The following PLEKHA8 variants were observed in gnomAD, a reference collection of about 807,000 sequenced individuals.
PLEKHA8 encodes the protein pleckstrin homology domain-containing family A member 8.
In PLEKHA8, 36 loss-of-function variants were observed where a neutral mutation model predicts 68.2. That is an observed-to-expected ratio of 0.53 (90% CI 0.40 to 0.70). PLEKHA8 has a LOEUF of 0.70. PLEKHA8 is among the 30% of genes least tolerant of loss of function. The pLI is 0.00. For synonymous variants in PLEKHA8, 211 were observed against 216.1 expected (o/e 0.98, Z 0.20); for missense variants, 505 against 615.4 (o/e 0.82, Z 1.90).
At chr7:30,099,380 A>G (rs1365287287) in intron 13 of PLEKHA8, among the ~76,000 whole-genome samples, 1 of 152,228 alleles carries the variant, frequency 6.6e-6, no homozygotes, top group Non-Finnish European at 1.5e-5. Flanking sequence ...CTCTTGAAAA[A>G]CTATGCTATA....
intron 5 of PLEKHA8, 40 bp from the exon 6 acceptor site, chr7:30,050,394 G>A (rs989777730): frequency 1.3e-6 from 2 of 1,547,450 alleles, no homozygotes; most frequent in Non-Finnish European, 1.7e-6. Flanking sequence ...TCTGTTCAAA[G>A]TTTAACATGT....
At chr7:30,032,478 G>A (rs1381670118) in intron 1 of PLEKHA8, among the ~76,000 whole-genome samples, 4 of 152,122 alleles carry the variant, frequency 2.6e-5, no homozygotes, top group South Asian at 2.1e-4. Context: ...AAAAACAGTT[G>A]CCTTTATTAT....
chr7:30,061,068 ATCTT>A, intron 10 of PLEKHA8, 126 bp downstream of exon 10: 1 of 843,066 alleles, frequency 1.2e-6, no homozygotes, highest in African/African-American at 1.7e-5. Flanking sequence ...GAGAGCAAGC[ATCTT>A]TCTTCTCACA....
At position 30,065,174 on chromosome 7, in the gene PLEKHA8, A is replaced by G. The variant is rs183962519; in HGVS notation, c.1300+2432A>G. Reference sequence around the variant, plus strand: ...GGGCAAATGCTGCTTTGTGACTGCAATAATCACAGCCAGTCTCAGCTTTTT... The same window carrying G: ...GGGCAAATGCTGCTTTGTGACTGCAGTAATCACAGCCAGTCTCAGCTTTTT... On this transcript the variant is annotated intron_variant, in intron 12 of 13. Transcript: ENST00000449726. Among the ~76,000 whole-genome samples, 959 of 152,310 alleles carry G rather than the reference A, an allele frequency of 6.3e-3. 7 individuals are homozygous for G. Among genetic ancestry groups the G allele is most frequent in the South Asian group, 0.025 (121 of 4,822 alleles).
chr7:30,109,586 C>CA (rs1166200858), intron 13 of PLEKHA8, among the ~76,000 whole-genome samples: 17,532 of 41,502 alleles, frequency 0.42, 5,340 homozygotes, highest in East Asian at 0.72. Context: ...AACTCTGTCT[C>CA]AAAAAAAAAA....
chr7:30,062,107 G>A (rs1463620784), intron 11 of PLEKHA8, 80 bp downstream of exon 11: 1 of 1,478,570 alleles, frequency 6.8e-7, no homozygotes, highest in East Asian at 2.4e-5. Flanking sequence ...ACACAAAGGA[G>A]ACTACTTCTG....
chr7:30,071,786 T>G (rs774989037), intron 12 of PLEKHA8: 1 of 152,232 alleles, frequency 6.6e-6, no homozygotes, highest in African/African-American at 2.4e-5. Context: ...AAGAAAGGAT[T>G]CACAGTATCT....
Position 30,079,679 on chromosome 7 carries a change from G to T in PLEKHA8, c.*892G>T. The T allele has an allele frequency of 2.2e-6, 1 of 460,764 alleles. No homozygotes were observed. Among genetic ancestry groups the T allele is most frequent in the Non-Finnish European group, 2.9e-6 (1 of 350,556 alleles). 28.5% of individuals were successfully genotyped at this position (460,764 alleles called of 1,614,324 possible). A position where few individuals can be genotyped will look rare whatever the true frequency, so the allele number is the denominator to read the frequency against. ...CCAGATAATTTCCAAGTGTGACCTGGACTGCCTCTGCATCAAAGTCATATG... is the reference window on the plus strand; with the variant it reads ...CCAGATAATTTCCAAGTGTGACCTGTACTGCCTCTGCATCAAAGTCATATG... On this transcript the variant is annotated 3_prime_UTR_variant, in exon 14 of 14. Transcript: ENST00000449726.
At chr7:30,033,410 G>A (rs146868428) in intron 1 of PLEKHA8, among the ~76,000 whole-genome samples, 19 of 152,242 alleles carry the variant, frequency 1.2e-4, no homozygotes, top group African/African-American at 4.6e-4. Flanking sequence ...GTCTTTTGTG[G>A]CTGGCTGCTT....
At chr7:30,089,167 TACAGACAC>T (rs1265567276), downstream of PLEKHA8, among the ~76,000 whole-genome samples, 1 of 152,180 alleles carries the variant, frequency 6.6e-6, no homozygotes, top group African/African-American at 2.4e-5. Context: ...TCCTCCTCCA[TACAGACAC>T]AAAGACACGA....
rs1795026837 is a variant in PLEKHA8 at position 30,083,139 on chromosome 7, G to A, written c.*4352G>A. The A allele has an allele frequency of 1.0e-6, 1 of 983,838 alleles. No homozygotes were observed. The highest frequency in any genetic ancestry group is 1.2e-6 in the Non-Finnish European group (1 of 828,796). 60.9% of individuals were successfully genotyped at this position (983,838 alleles called of 1,614,324 possible). On this transcript the variant is annotated 3_prime_UTR_variant, in exon 14 of 14. Transcript: ENST00000449726. ...TCTGTTAGCTGAGCTGATGTGTTTGGTCTTAGAGGGCCTGACTTCAGATAC... is the reference window on the plus strand; with the variant it reads ...TCTGTTAGCTGAGCTGATGTGTTTGATCTTAGAGGGCCTGACTTCAGATAC...
At chr7:30,120,170 C>CAAAAAAAAAAAAAAAAAAAAAA (rs200775029) in intron 13 of PLEKHA8, among the ~76,000 whole-genome samples, 1 of 130,900 alleles carries the variant, frequency 7.6e-6, no homozygotes. Flanking sequence ...AAAAAAAAAA[C>CAAAAAAAAAAAAAAAAAAAAAA]AAAAAAAAAA....
chr7:30,036,401 GGATAGAATAGATA>G (rs1791080533), intron 1 of PLEKHA8, among the ~76,000 whole-genome samples: 1 of 147,472 alleles, frequency 6.8e-6, no homozygotes, highest in African/African-American at 2.5e-5. Context: ...AGATAGGATA[GGATAGAATAGATA>G]GATAGATAGA....
intron 1 of PLEKHA8, among the ~76,000 whole-genome samples, chr7:30,036,237 G>A (rs764956970): frequency 3.1e-4 from 47 of 151,978 alleles, no homozygotes; most frequent in Non-Finnish European, 5.3e-4. Flanking sequence ...TCACACCTGT[G>A]TTCCAGCCTG....
rs528751359 is a variant in PLEKHA8 at position 30,061,789 on chromosome 7, T to A, written c.1099-108T>A. Reference sequence around the variant, plus strand: ...GGAAGAAGGTAATAGGAGCTTAATTTATTTTCTTAGAGGCCTGCTTGCCAA... The same window carrying A: ...GGAAGAAGGTAATAGGAGCTTAATTAATTTTCTTAGAGGCCTGCTTGCCAA... On this transcript the variant is annotated intron_variant, in intron 10 of 13. Transcript: ENST00000449726. 7.2e-6 allele frequency: 9 copies of A among 1,252,366 alleles called. No homozygotes were observed. In the African/African-American group the frequency reaches 1.4e-4, roughly 19 times the overall value. The allele number at this position is 1,252,366 out of a possible 1,614,324, so 77.6% of individuals were successfully genotyped here.
downstream of PLEKHA8, among the ~76,000 whole-genome samples, chr7:30,093,840 C>A (rs1020296355): frequency 6.6e-6 from 1 of 152,282 alleles, no homozygotes. Context: ...GCATGGAAAC[C>A]ACGTTGGACT....
chr7:30,115,995 CAT>C, intron 13 of PLEKHA8: 1 of 139,332 alleles, frequency 7.2e-6, no homozygotes, highest in Non-Finnish European at 1.6e-5. Flanking sequence ...TATGCATACG[CAT>C]ACATACGCAT....
intron 1 of PLEKHA8, among the ~76,000 whole-genome samples, chr7:30,029,564 C>T (rs1008203672): frequency 1.3e-5 from 2 of 152,150 alleles, no homozygotes; most frequent in African/African-American, 2.4e-5. Flanking sequence ...TCAGAACGAT[C>T]ATTTTTGTCA....
intron 9 of PLEKHA8, among the ~76,000 whole-genome samples, chr7:30,057,190 C>T (rs1793062812): frequency 6.6e-6 from 1 of 151,906 alleles, no homozygotes; most frequent in African/African-American, 2.4e-5. Context: ...CTGGAATGTT[C>T]CCTGTGTCAC....
Sources: gnomAD v4.1 joint callset for allele counts (sites outside exome capture counted in the v4.1 genomes callset) on GRCh38, gnomAD v4.1.1 for gene constraint, MANE v1.5 for transcripts, NCBI Gene and HGNC (gene_info 2026-07-23, HGNC 2026-07-21) for gene names.